Variants in IRAG1 observed in about 807,000 individuals in gnomAD.
The protein encoded by IRAG1 is inositol 1,4,5-triphosphate receptor associated 1, also known as IP3R-associated cGMP kinase substrate.
Under a neutral mutation model 106.2 loss-of-function variants are expected in IRAG1, and 62 were observed. That is an observed-to-expected ratio of 0.58 (90% CI 0.48 to 0.72). The LOEUF (loss-of-function observed/expected upper bound fraction) is 0.72, where lower values mean the gene tolerates loss of function less well. Ranked by LOEUF, IRAG1 falls within the 30% of genes least tolerant of loss-of-function variation. The pLI is 0.00. For missense variants in IRAG1, 1,064 were observed against 1,140.7 expected (o/e 0.93, Z 0.97); for synonymous variants, 462 against 443.9 (o/e 1.04, Z -0.51).
intron 14 of IRAG1, among the ~76,000 whole-genome samples, 156 bp downstream of exon 14, chr11:10,602,964 A>G (rs1234972531): frequency 2.0e-5 from 3 of 152,168 alleles, no homozygotes; most frequent in Non-Finnish European, 4.4e-5. Flanking sequence ...TGATCTGCCA[A>G]AAATACTCTG....
rs925674112 is a variant in IRAG1 at position 10,618,629 on chromosome 11, G to A, written c.1447+5149C>T. ...ACCCTTCCCAAGAAAAGTGACATGA[G>A]CAGATATCTAAAGATTGAGTTGGGA... On this transcript the variant is annotated intron_variant, in intron 10 of 20. Transcript: ENST00000423302. Among the ~76,000 whole-genome samples the A allele has an allele frequency of 2.0e-5, 3 of 152,316 alleles. No individual in the cohort carries two copies. In the East Asian group the frequency reaches 5.8e-4, roughly 29 times the overall value.
chr11:10,678,203 A>C (rs733534), intron 1 of IRAG1, among the ~76,000 whole-genome samples: 104,123 of 151,722 alleles, frequency 0.69, 36,876 homozygotes, highest in East Asian at 0.97. Flanking sequence ...ACTGGAATTA[A>C]TGGGTCATAT....
Position 10,626,030 on chromosome 11 carries a change from C to A in IRAG1, c.1304G>T (p.Gly435Val). 3 of 1,511,584 alleles carry A rather than the reference C, an allele frequency of 2.0e-6. No homozygotes were observed. Among genetic ancestry groups the A allele is most frequent in the African/African-American group, 2.8e-5 (2 of 71,662 alleles). 93.6% of individuals were successfully genotyped at this position (1,511,584 alleles called of 1,614,324 possible). ...CACTTGTATCTGAAAGTCTTTGAGA[C>A]CAGGGGCCTTGGCCAGCTTGCCGCC... Reference protein sequence around the residue: ...KAGGKLAKAPGLKDFQIQVQP... With the variant: ...KAGGKLAKAPVLKDFQIQVQP... Residue 435 changes from glycine (G) to valine (V), a missense_variant, in exon 9 of 21, where the codon GGT becomes GTT. Physicochemically the swap from Gly to Val is moderately radical, Grantham distance 109 (BLOSUM62 -3). Coordinates refer to ENST00000423302, the MANE Select transcript of IRAG1 (RefSeq NM_130385.4).
At chr11:10,607,953 T>C (rs1197418225) in intron 11 of IRAG1, among the ~76,000 whole-genome samples, 1 of 152,216 alleles carries the variant, frequency 6.6e-6, no homozygotes, top group African/African-American at 2.4e-5. Flanking sequence ...ACATATGATT[T>C]AAATGATTTG....
chr11:10,595,073 T>G (rs1853138406), intron 15 of IRAG1, among the ~76,000 whole-genome samples: 1 of 152,140 alleles, frequency 6.6e-6, no homozygotes, highest in Non-Finnish European at 1.5e-5. Flanking sequence ...TACAGATGTG[T>G]GCCACCACAC....
At chr11:10,595,648 G>A (rs1353016817) in intron 15 of IRAG1, 1 of 152,130 alleles carries the variant, frequency 6.6e-6, no homozygotes, top group Non-Finnish European at 1.5e-5. Context: ...GTTTACAAAT[G>A]TCTTTGTTGA....
chr11:10,644,639 A>C lies in IRAG1; in HGVS notation c.225+7386T>G, dbSNP rs1857797324. Among the ~76,000 whole-genome samples, 4 of 152,192 alleles carry C rather than the reference A, an allele frequency of 2.6e-5. No individual in the cohort carries two copies. In the South Asian group the frequency reaches 6.2e-4, roughly 24 times the overall value. On this transcript the variant is annotated intron_variant, in intron 2 of 20. Coordinates refer to ENST00000423302, the MANE Select transcript of IRAG1 (RefSeq NM_130385.4). ...AAGTGCCTAGAGCAGTGCCTGGCAC[A>C]TGGGAGGTACCGTATGAGGGTTCTC...
intron 9 of IRAG1, 131 bp from the exon 10 acceptor site, chr11:10,623,987 C>T (rs952845174): frequency 1.3e-6 from 1 of 763,764 alleles, no homozygotes; most frequent in Non-Finnish European, 2.2e-6. Flanking sequence ...GGTGGGTGGG[C>T]AGGCATGGCA....
chr11:10,577,977 A>G (rs1850998232), intron 20 of IRAG1, among the ~76,000 whole-genome samples: 1 of 152,192 alleles, frequency 6.6e-6, no homozygotes, highest in Non-Finnish European at 1.5e-5. Flanking sequence ...TCTAGATTCT[A>G]TTTAGACAGA....
intron 15 of IRAG1, among the ~76,000 whole-genome samples, chr11:10,598,412 T>G (rs79744804): frequency 0.018 from 2,803 of 152,338 alleles, 94 homozygotes; most frequent in African/African-American, 0.064. Context: ...TCAGCCAAAA[T>G]AGCAGAACCA....
intron 1 of IRAG1, among the ~76,000 whole-genome samples, chr11:10,679,169 A>T (rs1860941232): frequency 6.6e-6 from 1 of 152,250 alleles, no homozygotes; most frequent in East Asian, 1.9e-4. Context: ...TGTAGAAATA[A>T]GCAAAACAGG....
intron 13 of IRAG1, among the ~76,000 whole-genome samples, chr11:10,603,452 C>G (rs1854202752): frequency 6.6e-6 from 1 of 152,144 alleles, no homozygotes; most frequent in African/African-American, 2.4e-5. Flanking sequence ...AGATCCTTCG[C>G]ATGCACAGTT....
chr11:10,629,433 G>T, intron 5 of IRAG1, 105 bp downstream of exon 5: 1 of 1,242,950 alleles, frequency 8.0e-7, no homozygotes, highest in Non-Finnish European at 1.1e-6. Context: ...GTGAGTCCAA[G>T]GCGACCTCCT....
chr11:10,606,855 T>C (rs1036425269), intron 11 of IRAG1, 83 bp from the exon 12 acceptor site: 33 of 1,358,500 alleles, frequency 2.4e-5, no homozygotes, highest in Non-Finnish European at 3.3e-5. Flanking sequence ...CAGCAGACCA[T>C]GTGTTTCCAG....
intron 10 of IRAG1, among the ~76,000 whole-genome samples, chr11:10,621,685 C>T (rs573913421): frequency 5.9e-5 from 9 of 152,146 alleles, no homozygotes; most frequent in Non-Finnish European, 1.3e-4. Flanking sequence ...AGCAAGAATC[C>T]CTGCCCCTCT....
In IRAG1 at chr11:10,668,429, C is replaced by G. The variant is rs148326673; in HGVS notation, c.68-16247G>C. ...ATATTATGATGGCATTCCTCTAACA[C>G]AGAGTTCAACAAACTATGGCCTTTG... On this transcript the variant is annotated intron_variant, in intron 1 of 20. Transcript: ENST00000423302. Among the ~76,000 whole-genome samples, 466 of 152,346 alleles carry G rather than the reference C, an allele frequency of 3.1e-3. 5 individuals carry two copies. Among genetic ancestry groups the G allele is most frequent in the African/African-American group, 0.011 (437 of 41,574 alleles).
intron 1 of IRAG1, among the ~76,000 whole-genome samples, chr11:10,680,490 G>A (rs898366720): frequency 1.5e-5 from 2 of 134,000 alleles, no homozygotes; most frequent in African/African-American, 6.0e-5. Flanking sequence ...AGGAAGGGAG[G>A]GAGAAAGAGA....
At chr11:10,666,442 G>A (rs1164156115) in intron 1 of IRAG1, among the ~76,000 whole-genome samples, 1 of 152,212 alleles carries the variant, frequency 6.6e-6, no homozygotes, top group African/African-American at 2.4e-5. Flanking sequence ...AAGGCTTCTA[G>A]GTCAATACAG....
At chr11:10,587,078 T>C (rs936009854) in intron 18 of IRAG1, among the ~76,000 whole-genome samples, 2 of 152,202 alleles carry the variant, frequency 1.3e-5, no homozygotes, top group Non-Finnish European at 2.9e-5. Flanking sequence ...CGAAGGCTCA[T>C]GGATCTTGGC....
Sources: gnomAD v4.1 joint callset for allele counts (sites outside exome capture counted in the v4.1 genomes callset) on GRCh38, gnomAD v4.1.1 for gene constraint, MANE v1.5 for transcripts, NCBI Gene and HGNC (gene_info 2026-07-23, HGNC 2026-07-21) for gene names.